Variants in SLC14A2 observed in about 807,000 individuals in gnomAD.
SLC14A2 encodes the protein solute carrier family 14 member 2.
SLC14A2 carries 91 observed loss-of-function variants against 104.6 expected under a neutral mutation model. That is an observed-to-expected ratio of 0.87 (90% CI 0.73 to 1.04). The LOEUF is 1.04. Ranked by LOEUF, SLC14A2 falls within the 50% of genes least tolerant of loss-of-function variation. The pLI is 0.00. For missense variants in SLC14A2, 1,189 were observed against 1,156.0 expected, an observed-to-expected ratio of 1.03 and a Z score of -0.41; for synonymous variants, 476 against 466.4, an observed-to-expected ratio of 1.02 and a Z score of -0.27.
chr18:45,528,718 A>C (rs1466166934), intron 2 of SLC14A2: 1 of 152,142 alleles, frequency 6.6e-6, no homozygotes, highest in African/African-American at 2.4e-5. Flanking sequence ...TTAGAGTCTC[A>C]AAATCTATTC....
intron 1 of SLC14A2, among the ~76,000 whole-genome samples, chr18:45,416,725 G>A (rs192707296): frequency 2.6e-4 from 40 of 152,216 alleles, no homozygotes; most frequent in East Asian, 5.8e-4. Flanking sequence ...TTTAACTACC[G>A]TATTATTTAT....
intron 2 of SLC14A2, among the ~76,000 whole-genome samples, chr18:45,558,871 A>G (rs1284653304): frequency 2.0e-5 from 3 of 151,998 alleles, no homozygotes; most frequent in Non-Finnish European, 2.9e-5. Flanking sequence ...GCTCACTGCA[A>G]TCTCCGCCTC....
chr18:45,644,613 G>A (rs2045587756), intron 10 of SLC14A2, among the ~76,000 whole-genome samples: 1 of 152,138 alleles, frequency 6.6e-6, no homozygotes, highest in Non-Finnish European at 1.5e-5. Context: ...TCTAGTGGCT[G>A]AGCTAGAGAC....
chr18:45,188,343 A>G, the SLC14A2 span, among the ~76,000 whole-genome samples: 1 of 152,184 alleles, frequency 6.6e-6, no homozygotes, highest in Admixed American at 6.6e-5. Context: ...AGTGATGATC[A>G]TCACTAATTC....
intron 1 of SLC14A2, among the ~76,000 whole-genome samples, chr18:45,343,719 C>T (rs1175595975): frequency 1.3e-5 from 2 of 152,122 alleles, no homozygotes; most frequent in Non-Finnish European, 2.9e-5. Context: ...TGAAAGGATT[C>T]CTGAGTCCCT....
At chr18:45,210,396 A>G (rs1369132967), upstream of SLC14A2, among the ~76,000 whole-genome samples, 1 of 152,214 alleles carries the variant, frequency 6.6e-6, no homozygotes, top group African/African-American at 2.4e-5. Context: ...CCTGGACAGC[A>G]TAGTGAGACC....
At chr18:45,333,409 G>T (rs1298534082) in intron 1 of SLC14A2, among the ~76,000 whole-genome samples, 1 of 152,146 alleles carries the variant, frequency 6.6e-6, no homozygotes, top group Non-Finnish European at 1.5e-5. Flanking sequence ...ACAGGTAGGA[G>T]CTATCTAACA....
intron 2 of SLC14A2, among the ~76,000 whole-genome samples, chr18:45,584,777 A>G (rs947502825): frequency 4.6e-5 from 7 of 152,372 alleles, no homozygotes; most frequent in South Asian, 2.1e-4. Flanking sequence ...CTATGCTTCT[A>G]TAATCTGACT....
rs1440630071 is a variant in SLC14A2, at chr18:45,579,934, A to G, written c.-34-44697A>G. On this transcript the variant is annotated intron_variant, in intron 2 of 20. Coordinates refer to the SLC14A2 transcript ENST00000586448. The stretch of plus-strand genomic sequence containing the variant: ...AAGAAGAAAGAATACCACGTGGGAG[A>G]ACACTATGTGCAAAAGCATGGAGTT... Among the ~76,000 whole-genome samples, 4 of 152,192 alleles carry G rather than the reference A, an allele frequency of 2.6e-5. No homozygotes were observed. The East Asian group carries it at 7.7e-4, about 29-fold the overall frequency.
chr18:45,639,820 G>T lies in SLC14A2; in HGVS notation c.918G>T (p.Leu306=). 1 of 1,613,962 alleles carries T rather than the reference G, an allele frequency of 6.2e-7. No homozygotes were observed. The highest frequency in any genetic ancestry group is 8.5e-7 in the Non-Finnish European group (1 of 1,180,004). Residue 306 remains leucine, a synonymous_variant, in exon 7 of 20, where the codon CTG becomes CTT. Coordinates refer to ENST00000255226, the MANE Select transcript of SLC14A2 (RefSeq NM_007163.4). ...ATCCCTGGACAGGCGGCGTGTTCCT[G>T]GTGGCTCTGTTCATCTCCTCGCCAC... The part of the protein sequence containing the change: ...CDNPWTGGVF[L]VALFISSPLI...
intron 1 of SLC14A2, among the ~76,000 whole-genome samples, chr18:45,312,223 C>G (rs1453285673): frequency 6.6e-6 from 1 of 152,138 alleles, no homozygotes; most frequent in Non-Finnish European, 1.5e-5. Context: ...GTGTTTTTCT[C>G]ACAATACATT....
intron 2 of SLC14A2, among the ~76,000 whole-genome samples, chr18:45,500,086 G>C (rs1432196633): frequency 1.9e-4 from 29 of 152,142 alleles, no homozygotes; most frequent in Admixed American, 1.9e-3. Context: ...AAATAAATTG[G>C]TAATAATTGG....
chr18:45,678,957 T>TC lies in SLC14A2; in HGVS notation c.2513-18_2513-17insC, dbSNP rs750210382. 82 of 1,491,840 alleles carry TC rather than the reference T, an allele frequency of 5.5e-5. No homozygotes were observed. The highest frequency in any genetic ancestry group is 2.6e-4 in the East Asian group (11 of 42,078). The allele number at this position is 1,491,840 out of a possible 1,614,324, so 92.4% of individuals were successfully genotyped here. On this transcript the variant is annotated splice_polypyrimidine_tract_variant and intron_variant, in intron 18 of 19. Transcript: ENST00000255226. Reference sequence around the variant, plus strand: ...ATAGTTACTGGTCTATTTCTTTCTTTTTTTTTTTTTTTTCTAGCACTGTTT... The same window carrying TC: ...ATAGTTACTGGTCTATTTCTTTCTTTCTTTTTTTTTTTTTCTAGCACTGTTT...
At chr18:45,321,070 T>C (rs541196060) in intron 1 of SLC14A2, among the ~76,000 whole-genome samples, 82 of 152,332 alleles carry the variant, frequency 5.4e-4, no homozygotes, top group Middle Eastern at 3.4e-3. Flanking sequence ...TTTCTTGTGT[T>C]TACACAGGAG....
intron 2 of SLC14A2, among the ~76,000 whole-genome samples, chr18:45,595,856 T>G (rs1199548674): frequency 6.6e-6 from 1 of 152,148 alleles, no homozygotes; most frequent in African/African-American, 2.4e-5. Flanking sequence ...AACTCTGATG[T>G]TCGGAGCGAA....
chr18:45,600,106 G>A (rs2044768174), intron 2 of SLC14A2, among the ~76,000 whole-genome samples: 2 of 152,150 alleles, frequency 1.3e-5, no homozygotes, highest in Admixed American at 6.5e-5. Flanking sequence ...GGATTTATGG[G>A]TGCAAAATGA....
chr18:45,608,042 C>T (rs750434916), intron 2 of SLC14A2, among the ~76,000 whole-genome samples: 9 of 152,218 alleles, frequency 5.9e-5, no homozygotes, highest in Non-Finnish European at 1.3e-4. Flanking sequence ...TGACCCCATT[C>T]CTGGGCATTA....
intron 2 of SLC14A2, among the ~76,000 whole-genome samples, chr18:45,573,711 A>G (rs1012465759): frequency 3.3e-5 from 5 of 152,258 alleles, no homozygotes; most frequent in African/African-American, 1.2e-4. Flanking sequence ...TCCCTCCATC[A>G]ATCTGCCTAT....
At chr18:45,208,702 T>C (rs1038140039), upstream of SLC14A2, among the ~76,000 whole-genome samples, 6 of 151,986 alleles carry the variant, frequency 3.9e-5, no homozygotes, top group East Asian at 1.2e-3. Context: ...CTGGGTTTTA[T>C]ACTGAGAAGA....
Sources: allele counts gnomAD v4.1 joint callset (sites outside exome capture counted in the v4.1 genomes callset), GRCh38; gene constraint gnomAD v4.1.1; transcripts MANE v1.5; gene names NCBI Gene and HGNC (gene_info 2026-07-23, HGNC 2026-07-21).